Variants in B3GALT1 observed in about 807,000 individuals in gnomAD.
The protein encoded by B3GALT1 is UDP-Gal:betaGlcNAc beta 1,3-galactosyltransferase, polypeptide 1.
B3GALT1 carries 10 observed loss-of-function variants against 23.2 expected under a neutral mutation model. That is an observed-to-expected ratio of 0.43 (90% confidence interval 0.27 to 0.73). B3GALT1 has a LOEUF of 0.73. Among genes scored for constraint, B3GALT1 ranks in the 30% least tolerant of loss-of-function variants. B3GALT1 has a pLI of 0.21. For synonymous variants in B3GALT1, 156 were observed against 141.5 expected, an observed-to-expected ratio of 1.10 and a Z score of -0.73; for missense variants, 299 against 405.4, an observed-to-expected ratio of 0.74 and a Z score of 2.25.
At chr2:167,562,562 T>C (rs1321439418) in intron 2 of B3GALT1, among the ~76,000 whole-genome samples, 2 of 152,044 alleles carry the variant, frequency 1.3e-5, no homozygotes, top group African/African-American at 2.4e-5. Context: ...AAAACCCCAT[T>C]GTGTCAGCCC....
intron 4 of B3GALT1, among the ~76,000 whole-genome samples, chr2:167,845,832 C>T (rs1395294304): frequency 6.6e-6 from 1 of 151,574 alleles, no homozygotes. Flanking sequence ...AAAGGCAAAG[C>T]TCAATGCAAG....
intron 2 of B3GALT1, among the ~76,000 whole-genome samples, chr2:167,614,762 A>G (rs1035934276): frequency 6.6e-5 from 10 of 152,052 alleles, no homozygotes; most frequent in Non-Finnish European, 1.3e-4. Context: ...TGCAAATGCA[A>G]ATGCAAAATG....
At chr2:167,376,750 G>A (rs1286136964) in intron 1 of B3GALT1, among the ~76,000 whole-genome samples, 1 of 151,854 alleles carries the variant, frequency 6.6e-6, no homozygotes, top group Non-Finnish European at 1.5e-5. Flanking sequence ...TGTTAACCTA[G>A]CTAGTGGTCT....
intron 3 of B3GALT1, among the ~76,000 whole-genome samples, chr2:167,658,041 A>G (rs1236328847): frequency 1.3e-5 from 1 of 77,960 alleles, no homozygotes; most frequent in Admixed American, 1.7e-4. Flanking sequence ...GTTGCCAATG[A>G]TAAAAGGCTC....
At chr2:167,632,121 A>C (rs1342359204) in intron 2 of B3GALT1, among the ~76,000 whole-genome samples, 1 of 152,072 alleles carries the variant, frequency 6.6e-6, no homozygotes, top group African/African-American at 2.4e-5. Context: ...AAAGGACATG[A>C]ACTCATCCTT....
At chr2:167,563,404 G>C (rs374503539) in intron 2 of B3GALT1, among the ~76,000 whole-genome samples, 5,587 of 128,580 alleles carry the variant, frequency 0.043, 164 homozygotes, top group East Asian at 0.14. Context: ...CTGGCCGGGC[G>C]GGGGGCTGAC....
At chr2:167,716,704 G>T (rs185033575) in intron 3 of B3GALT1, among the ~76,000 whole-genome samples, 99 of 152,286 alleles carry the variant, frequency 6.5e-4, no homozygotes, top group African/African-American at 2.0e-3. Context: ...GCATAAGCCT[G>T]ACATTTTTTG....
chr2:167,645,553 ATTTTTTT>A (rs1195110974), intron 2 of B3GALT1, among the ~76,000 whole-genome samples: 1 of 87,046 alleles, frequency 1.1e-5, no homozygotes, highest in African/African-American at 4.7e-5. Flanking sequence ...ACTGCCAATA[ATTTTTTT>A]TTTTTTTTTT....
chr2:167,461,059 A>T (rs1166353774), intron 1 of B3GALT1, among the ~76,000 whole-genome samples: 1 of 152,200 alleles, frequency 6.6e-6, no homozygotes, highest in Non-Finnish European at 1.5e-5. Context: ...AAGGGCTTGC[A>T]ACAATGGGAG....
chr2:167,326,631 A>G (rs1336377624), intron 1 of B3GALT1, among the ~76,000 whole-genome samples: 1 of 152,010 alleles, frequency 6.6e-6, no homozygotes, highest in Non-Finnish European at 1.5e-5. Flanking sequence ...ATAGAGGTCC[A>G]GTTTCATTCT....
At chr2:167,378,050 A>G (rs1015442344) in intron 1 of B3GALT1, among the ~76,000 whole-genome samples, 2 of 152,164 alleles carry the variant, frequency 1.3e-5, no homozygotes, top group African/African-American at 4.8e-5. Context: ...GCTTGACTGG[A>G]AAAAGATTTT....
chr2:167,430,678 T>A (rs1363093545), intron 1 of B3GALT1, among the ~76,000 whole-genome samples: 2 of 152,068 alleles, frequency 1.3e-5, no homozygotes, highest in Non-Finnish European at 2.9e-5. Context: ...TTTGAGCAAA[T>A]AGAAGAATGG....
chr2:167,556,155 G>A (rs1312279492), intron 2 of B3GALT1, among the ~76,000 whole-genome samples: 1 of 151,648 alleles, frequency 6.6e-6, no homozygotes, highest in East Asian at 1.9e-4. Context: ...GTAATGAAAG[G>A]AAAGATCACT....
intron 4 of B3GALT1, among the ~76,000 whole-genome samples, chr2:167,851,926 C>G (rs1375429447): frequency 1.3e-5 from 2 of 152,178 alleles, no homozygotes; most frequent in Non-Finnish European, 2.9e-5. Context: ...GAGGGTTATT[C>G]TTCACCCTGC....
intron 3 of B3GALT1, among the ~76,000 whole-genome samples, chr2:167,676,164 C>T (rs1394233953): frequency 6.6e-6 from 1 of 151,986 alleles, no homozygotes; most frequent in East Asian, 1.9e-4. Flanking sequence ...TGCAGCACCC[C>T]TCGCTTCCTC....
intron 3 of B3GALT1, among the ~76,000 whole-genome samples, chr2:167,685,018 A>C (rs1686595666): frequency 6.6e-6 from 1 of 152,358 alleles, no homozygotes; most frequent in South Asian, 2.1e-4. Context: ...CTGTGGAAAT[A>C]AGGATAATGT....
At chr2:167,382,855 A>G (rs934685099) in intron 1 of B3GALT1, among the ~76,000 whole-genome samples, 2 of 152,162 alleles carry the variant, frequency 1.3e-5, no homozygotes, top group African/African-American at 4.8e-5. Flanking sequence ...TTATTCATAG[A>G]TATCTCCTAC....
intron 1 of B3GALT1, among the ~76,000 whole-genome samples, chr2:167,393,692 T>A (rs144436695): frequency 2.9e-3 from 428 of 149,860 alleles, no homozygotes; most frequent in African/African-American, 0.01. Context: ...GAATTTCATC[T>A]CAATTCAATC....
At chr2:167,450,219 G>A (rs1264814018) in intron 1 of B3GALT1, among the ~76,000 whole-genome samples, 1 of 34,718 alleles carries the variant, frequency 2.9e-5, no homozygotes, top group East Asian at 3.9e-3. Context: ...CCTTGTCCTG[G>A]AATATTTTTT....
Sources: gnomAD v4.1 joint callset for allele counts (sites outside exome capture counted in the v4.1 genomes callset) on GRCh38, gnomAD v4.1.1 for gene constraint, MANE v1.5 for transcripts, NCBI Gene and HGNC (gene_info 2026-07-23, HGNC 2026-07-21) for gene names.